GAB1: variants seen among roughly 807,000 people sequenced by gnomAD.
GAB1 encodes GRB2 associated binding protein 1, also known as GRB2-associated-binding protein 1.
Under a neutral mutation model 66.5 loss-of-function variants are expected in GAB1, and 19 were observed. The ratio of observed to expected loss-of-function variants is 0.29; its 90% CI spans 0.20 to 0.42. The LOEUF is 0.42. GAB1 is among the 10% of genes least tolerant of loss of function. The pLI is 1.00. For missense variants in GAB1, 732 were observed against 858.5 expected, an observed-to-expected ratio of 0.85 and a Z score of 1.84; for synonymous variants, 294 against 301.4, an observed-to-expected ratio of 0.98 and a Z score of 0.25.
intron 3 of GAB1, among the ~76,000 whole-genome samples, chr4:143,435,832 T>C (rs1376036884): frequency 3.3e-5 from 5 of 152,220 alleles, no homozygotes; most frequent in African/African-American, 1.2e-4. Flanking sequence ...TGCAAGACTT[T>C]AGTTAGAATG....
intron 1 of GAB1, among the ~76,000 whole-genome samples, chr4:143,345,433 A>T (rs1386740840): frequency 6.6e-6 from 1 of 152,232 alleles, no homozygotes; most frequent in South Asian, 2.1e-4. Flanking sequence ...CAAGAGTCCA[A>T]ACATTTCAAT....
At chr4:143,417,996 T>A (rs1178968793) in intron 2 of GAB1, among the ~76,000 whole-genome samples, 1 of 152,206 alleles carries the variant, frequency 6.6e-6, no homozygotes, top group Non-Finnish European at 1.5e-5. Context: ...GAGCTAATCA[T>A]CTCTAATGAG....
chr4:143,373,690 A>G (rs976632784), intron 1 of GAB1, among the ~76,000 whole-genome samples: 1 of 151,620 alleles, frequency 6.6e-6, no homozygotes, highest in African/African-American at 2.4e-5. Flanking sequence ...TTAGCCGGCC[A>G]TGGTGGCATG....
At chr4:143,343,713 C>T (rs929759351) in intron 1 of GAB1, among the ~76,000 whole-genome samples, 1 of 152,146 alleles carries the variant, frequency 6.6e-6, no homozygotes, top group Non-Finnish European at 1.5e-5. Flanking sequence ...GAAGACTCCG[C>T]AAATGAATTT....
intron 1 of GAB1, among the ~76,000 whole-genome samples, chr4:143,409,795 T>C (rs559667485): frequency 6.6e-6 from 1 of 152,186 alleles, no homozygotes; most frequent in East Asian, 1.9e-4. Flanking sequence ...AGAGACAGCA[T>C]TGGCATGAGC....
rs756263950 is a variant in GAB1, at chr4:143,440,348, C to G, written c.1551C>G (p.Pro517=). The stretch of plus-strand genomic sequence containing the variant: ...TTCCTGTTGCAGACTGTGAACCACC[C>G]CCCGTGGATAGGAACCTCAAGCCAG... ...RPVPVADCEP[P]PVDRNLKPDR... Residue 517 remains proline (P), a synonymous_variant, in exon 6 of 10, where the codon CCC becomes CCG. Transcript: ENST00000262994. 3.1e-6 allele frequency: 5 copies of G among 1,613,244 alleles called. No homozygotes were observed. The highest frequency in any genetic ancestry group is 4.2e-6 in the Non-Finnish European group (5 of 1,179,608).
intron 3 of GAB1, 32 bp from the exon 4 acceptor site, chr4:143,437,967 T>A: frequency 6.3e-7 from 1 of 1,580,348 alleles, no homozygotes; most frequent in Non-Finnish European, 8.6e-7. Flanking sequence ...GTCTCCACCT[T>A]GTTTATTCTG....
rs1341301815 is a variant in GAB1 at position 143,471,351 on chromosome 4, A to G, written c.*2162A>G. The G allele has an allele frequency of 1.3e-5, 2 of 152,182 alleles. No individual in the cohort carries two copies. The highest frequency in any genetic ancestry group is 4.8e-5 in the African/African-American group (2 of 41,448). The allele number at this position is 152,182 out of a possible 1,614,324, so 9.4% of individuals were successfully genotyped here. On this transcript the variant is annotated 3_prime_UTR_variant, in exon 10 of 10. Transcript: ENST00000262994. ...GCAGTTTGCTTTAGAAAACTAAATC[A>G]CATTGAACATTGTATTAGAGAATTA...
At chr4:143,348,668 G>A (rs1560712013) in intron 1 of GAB1, among the ~76,000 whole-genome samples, 1 of 152,202 alleles carries the variant, frequency 6.6e-6, no homozygotes, top group Non-Finnish European at 1.5e-5. Flanking sequence ...ATCTGATAAT[G>A]CCATTCCATA....
At chr4:143,432,477 A>G (rs1032729476) in intron 2 of GAB1, among the ~76,000 whole-genome samples, 2 of 152,196 alleles carry the variant, frequency 1.3e-5, no homozygotes, top group African/African-American at 4.8e-5. Flanking sequence ...AAAAGGGAAA[A>G]GAAGAAAAAT....
intron 1 of GAB1, among the ~76,000 whole-genome samples, chr4:143,365,332 T>A (rs1241625427): frequency 1.3e-5 from 2 of 152,168 alleles, no homozygotes; most frequent in Non-Finnish European, 2.9e-5. Context: ...CTCATCCCCA[T>A]TCTCTTTTCT....
In GAB1 at chr4:143,337,149, C is replaced by T. The variant is rs1459514174; in HGVS notation, c.-40C>T. 2.6e-6 allele frequency: 4 copies of T among 1,541,702 alleles called. No homozygotes were observed. The Admixed American group carries it at 5.9e-5, about 23-fold the overall frequency. ...GGCTGTGTCGGGAGCGCGCCCGCCG[C>T]CCCTCAGCTGCCCGGCCCGGAGCCC... On this transcript the variant is annotated 5_prime_UTR_variant, in exon 1 of 10. Transcript: ENST00000262994.
chr4:143,356,176 ACAAG>A (rs1729440019), intron 1 of GAB1, among the ~76,000 whole-genome samples: 1 of 152,198 alleles, frequency 6.6e-6, no homozygotes, highest in Admixed American at 6.5e-5. Context: ...CAAATCAAAG[ACAAG>A]CAGTTAGTTG....
At chr4:143,431,683 G>A (rs1733661833) in intron 2 of GAB1, among the ~76,000 whole-genome samples, 1 of 152,160 alleles carries the variant, frequency 6.6e-6, no homozygotes, top group Non-Finnish European at 1.5e-5. Context: ...CTAGGATTGA[G>A]CCTGGGCCAC....
In GAB1 at chr4:143,337,143, C is replaced by G; in HGVS notation, c.-46C>G. On this transcript the variant is annotated 5_prime_UTR_variant, in exon 1 of 10. Coordinates refer to ENST00000262994, the MANE Select transcript of GAB1 (RefSeq NM_002039.4). ...GGCGTCGGCTGTGTCGGGAGCGCGC[C>G]CGCCGCCCCTCAGCTGCCCGGCCCG... 6.5e-7 allele frequency: 1 copy of G among 1,529,904 alleles called. No homozygotes were observed. Among genetic ancestry groups the G allele is most frequent in the Non-Finnish European group, 8.9e-7 (1 of 1,129,828 alleles). 94.8% of individuals were successfully genotyped at this position (1,529,904 alleles called of 1,614,324 possible).
chr4:143,439,881 C>T lies in GAB1; in HGVS notation c.1275C>T (p.Asn425=). Residue 425 remains asparagine, a synonymous_variant, in exon 5 of 10, where the codon AAC becomes AAT. Coordinates refer to ENST00000262994, the MANE Select transcript of GAB1 (RefSeq NM_002039.4). ...DRSSSLEGFH[N]HFKVKNVLTV... ...CTAGTTCACTTGAAGGCTTCCATAA[C>T]CACTTTGTAAGTATAATTGACCTTG... The T allele has an allele frequency of 6.2e-7, 1 of 1,608,394 alleles. No individual in the cohort carries two copies. The highest frequency in any genetic ancestry group is 8.5e-7 in the Non-Finnish European group (1 of 1,174,968).
At chr4:143,423,792 G>GTGTATATA (rs1409168050) in intron 2 of GAB1, among the ~76,000 whole-genome samples, 6 of 67,736 alleles carry the variant, frequency 8.9e-5, no homozygotes, top group Non-Finnish European at 1.7e-4. Flanking sequence ...AAAAAAAAGT[G>GTGTATATA]TATATATATA....
At chr4:143,351,766 C>T (rs547450722) in intron 1 of GAB1, among the ~76,000 whole-genome samples, 2 of 152,324 alleles carry the variant, frequency 1.3e-5, no homozygotes, top group South Asian at 2.1e-4. Context: ...GGGAGGAATG[C>T]TTCTGGTATC....
intron 1 of GAB1, among the ~76,000 whole-genome samples, chr4:143,341,849 C>T (rs1341644447): frequency 6.6e-6 from 1 of 152,150 alleles, no homozygotes; most frequent in Non-Finnish European, 1.5e-5. Context: ...AAGCATGAAA[C>T]CCCTGCTCAA....
Sources: allele counts gnomAD v4.1 joint callset (sites outside exome capture counted in the v4.1 genomes callset), GRCh38; gene constraint gnomAD v4.1.1; transcripts MANE v1.5; gene names NCBI Gene and HGNC (gene_info 2026-07-23, HGNC 2026-07-21).